The following WDR41 variants were observed in gnomAD, a reference collection of about 807,000 sequenced individuals.
WDR41 encodes the protein WD repeat-containing protein 41.
WDR41 carries 63 observed loss-of-function variants against 69.3 expected under a neutral mutation model. The ratio of observed to expected loss-of-function variants is 0.91; its 90% CI spans 0.74 to 1.12. The LOEUF (loss-of-function observed/expected upper bound fraction) is 1.12. Ranked by LOEUF, WDR41 falls within the 50% of genes most tolerant of loss-of-function variation. The pLI is 0.00. For synonymous variants in WDR41, 185 were observed against 192.1 expected (o/e 0.96, Z 0.31); for missense variants, 543 against 534.5 (o/e 1.02, Z -0.16).
At chr5:77,524,757 C>T (rs1244201428) in intron 1 of WDR41, among the ~76,000 whole-genome samples, 2 of 152,196 alleles carry the variant, frequency 1.3e-5, no homozygotes, top group African/African-American at 4.8e-5. Flanking sequence ...GGTTGGCATC[C>T]TCACAGGTTA....
intron 1 of WDR41, among the ~76,000 whole-genome samples, chr5:77,601,736 A>T (rs1360161488): frequency 6.6e-6 from 1 of 152,252 alleles, no homozygotes; most frequent in Non-Finnish European, 1.5e-5. Context: ...AGAGACACAG[A>T]ATGGAAATAA....
chr5:77,482,905 C>T (rs142756768), intron 2 of WDR41, among the ~76,000 whole-genome samples: 11 of 151,706 alleles, frequency 7.3e-5, no homozygotes, highest in Non-Finnish European at 1.6e-4. Flanking sequence ...AAAGTGCCCC[C>T]GGAACCTCCA....
At chr5:77,494,551 A>T (rs572563920), upstream of WDR41, among the ~76,000 whole-genome samples, 3 of 152,278 alleles carry the variant, frequency 2.0e-5, no homozygotes, top group African/African-American at 7.2e-5. Context: ...AAATCAAAAA[A>T]GTTTTCAAAG....
At position 77,482,945 on chromosome 5, in the gene WDR41, C is replaced by A. The variant is rs190455857; in HGVS notation, c.167+6512G>T. On this transcript the variant is annotated intron_variant, in intron 2 of 12. Coordinates refer to ENST00000296679, the MANE Select transcript of WDR41 (RefSeq NM_018268.4). ...CACTCCCATACCAGGAGGGGGATAACAACCTTTATCACAGATGAGATGGCA... is the reference window on the plus strand; with the variant it reads ...CACTCCCATACCAGGAGGGGGATAAAAACCTTTATCACAGATGAGATGGCA... 2.0e-4 allele frequency among the ~76,000 whole-genome samples: 31 copies of A among 151,224 alleles called. No homozygotes were observed. In the East Asian group the frequency reaches 5.8e-3, roughly 29 times the overall value.
At chr5:77,579,872 A>ATAATATATGTG (rs57837991) in intron 1 of WDR41, among the ~76,000 whole-genome samples, 1 of 150,992 alleles carries the variant, frequency 6.6e-6, no homozygotes, top group Non-Finnish European at 1.5e-5. Flanking sequence ...ATATGGAAAT[A>ATAATATATGTG]TAATATATGT....
In WDR41 at chr5:77,526,024, G is replaced by A. The variant is rs560838831; in HGVS notation, c.43-36452C>T. On this transcript the variant is annotated intron_variant, in intron 1 of 5. Transcript: ENST00000509971. The stretch of plus-strand genomic sequence containing the variant: ...TTATCCATCATGAAAATATTTAAAT[G>A]TGTTAACATTAAGAATATATAGTGC... Among the ~76,000 whole-genome samples, 4 of 152,190 alleles carry A rather than the reference G, an allele frequency of 2.6e-5. No homozygotes were observed. In the South Asian group the frequency reaches 8.3e-4, roughly 32 times the overall value.
intron 1 of WDR41, among the ~76,000 whole-genome samples, chr5:77,514,638 G>A (rs1331926924): frequency 1.3e-5 from 2 of 152,136 alleles, no homozygotes; most frequent in Non-Finnish European, 2.9e-5. Context: ...GTTAATGATA[G>A]CGACACATTC....
chr5:77,539,935 T>A (rs1271422554), intron 1 of WDR41, among the ~76,000 whole-genome samples: 1 of 152,180 alleles, frequency 6.6e-6, no homozygotes, highest in Non-Finnish European at 1.5e-5. Flanking sequence ...CTGATTAAGA[T>A]TTTTTCCTCC....
intron 1 of WDR41, among the ~76,000 whole-genome samples, chr5:77,511,129 G>A (rs1802191407): frequency 6.6e-6 from 1 of 152,064 alleles, no homozygotes; most frequent in East Asian, 1.9e-4. Flanking sequence ...TTAACAAAGT[G>A]TTACTTATCA....
intron 1 of WDR41, among the ~76,000 whole-genome samples, chr5:77,584,735 A>G (rs1744007603): frequency 6.6e-6 from 1 of 152,112 alleles, no homozygotes; most frequent in Non-Finnish European, 1.5e-5. Flanking sequence ...AAGACATCCT[A>G]CTCAGCAAAG....
chr5:77,570,601 T>C (rs1180719903), intron 1 of WDR41, among the ~76,000 whole-genome samples: 2 of 150,688 alleles, frequency 1.3e-5, no homozygotes, highest in Non-Finnish European at 3.0e-5. Context: ...AAGCCATTTT[T>C]AAAAAAATGT....
intron 1 of WDR41, among the ~76,000 whole-genome samples, chr5:77,577,803 G>A (rs1016787676): frequency 6.6e-6 from 1 of 152,148 alleles, no homozygotes; most frequent in Admixed American, 6.5e-5. Context: ...ATGGAGTTAT[G>A]TCCCAATAAA....
chr5:77,552,118 G>A (rs963211993), intron 1 of WDR41, among the ~76,000 whole-genome samples: 1 of 150,880 alleles, frequency 6.6e-6, no homozygotes, highest in African/African-American at 2.4e-5. Context: ...AATTGATGCA[G>A]GGGAGGACAA....
intron 1 of WDR41, among the ~76,000 whole-genome samples, chr5:77,519,227 T>C (rs1802337192): frequency 6.6e-6 from 1 of 152,042 alleles, no homozygotes; most frequent in Non-Finnish European, 1.5e-5. Context: ...ATTACTCTCC[T>C]ATATCCTTGC....
At chr5:77,474,149 G>C (rs375860149) in intron 2 of WDR41, among the ~76,000 whole-genome samples, 8 of 152,084 alleles carry the variant, frequency 5.3e-5, no homozygotes, top group Non-Finnish European at 1.2e-4. Context: ...CATGGATGAA[G>C]CTGGAAACCA....
chr5:77,556,448 C>T (rs1419734161), intron 1 of WDR41, among the ~76,000 whole-genome samples: 4 of 152,042 alleles, frequency 2.6e-5, no homozygotes, highest in African/African-American at 9.7e-5. Flanking sequence ...CGCTCTACTG[C>T]GCAGGCCAGA....
In WDR41 at chr5:77,451,273, A is replaced by G. The variant is rs777507668; in HGVS notation, c.586+18T>C. ...ATTCTCGTTCAAAATACACAAAAAG[A>G]AAAAAATTCATACTCACTCAGTTCT... On this transcript the variant is annotated intron_variant, in intron 7 of 12. Transcript: ENST00000296679. 3.1e-6 allele frequency: 5 copies of G among 1,612,472 alleles called. No homozygotes were observed. The highest frequency in any genetic ancestry group is 4.2e-6 in the Non-Finnish European group (5 of 1,179,152).
At chr5:77,475,273 T>C (rs984843643) in intron 2 of WDR41, among the ~76,000 whole-genome samples, 2 of 152,118 alleles carry the variant, frequency 1.3e-5, no homozygotes, top group East Asian at 3.9e-4. Flanking sequence ...CTTGCTTAGG[T>C]AAACACAGCA....
chr5:77,536,849 C>T (rs1345412266), intron 1 of WDR41, among the ~76,000 whole-genome samples: 1 of 152,166 alleles, frequency 6.6e-6, no homozygotes, highest in Admixed American at 6.5e-5. Context: ...CAATGCACTT[C>T]TCAGAACATA....
Sources: gnomAD v4.1 joint callset for allele counts (sites outside exome capture counted in the v4.1 genomes callset) on GRCh38, gnomAD v4.1.1 for gene constraint, MANE v1.5 for transcripts, NCBI Gene and HGNC (gene_info 2026-07-23, HGNC 2026-07-21) for gene names.